HEATR5B: variants seen among roughly 807,000 people sequenced by gnomAD.
HEATR5B encodes the protein HEAT repeat-containing protein 5B.
In HEATR5B, 156 loss-of-function variants were observed where a neutral mutation model predicts 224.1. The observed-to-expected ratio is 0.70, with a 90% CI of 0.61 to 0.80. HEATR5B has a LOEUF of 0.80. HEATR5B is among the 30% of genes least tolerant of loss of function. The pLI is 0.00. For missense variants in HEATR5B, 2,323 were observed against 2,535.5 expected, an observed-to-expected ratio of 0.92 and a Z score of 1.80; for synonymous variants, 1,027 against 893.0, an observed-to-expected ratio of 1.15 and a Z score of -2.68.
intron 33 of HEATR5B, among the ~76,000 whole-genome samples, chr2:36,995,084 C>CTTATTTTTTTT (rs1182897485): frequency 1.1e-5 from 1 of 93,668 alleles, no homozygotes; most frequent in Non-Finnish European, 2.1e-5. Flanking sequence ...CTTGTTATTC[C>CTTATTTTTTTT]TTGTTTTTTT....
At chr2:37,073,261 G>C (rs1004233857) in intron 5 of HEATR5B, among the ~76,000 whole-genome samples, 1 of 152,098 alleles carries the variant, frequency 6.6e-6, no homozygotes, top group Non-Finnish European at 1.5e-5. Flanking sequence ...GACCAAGTGA[G>C]GTTTATCCTA....
chr2:37,074,363 TCCA>T (rs1672102081), intron 5 of HEATR5B, among the ~76,000 whole-genome samples: 1 of 140,246 alleles, frequency 7.1e-6, no homozygotes, highest in East Asian at 2.0e-4. Flanking sequence ...GAAGTGGATA[TCCA>T]TATTGAAAAA....
At chr2:37,038,920 G>GGT (rs58707175) in intron 20 of HEATR5B, among the ~76,000 whole-genome samples, 1 of 124,590 alleles carries the variant, frequency 8.0e-6, no homozygotes, top group African/African-American at 3.1e-5. Context: ...GGGGGGTGGG[G>GGT]AATCACATAT....
chr2:37,052,983 T>G (rs1670655121), intron 17 of HEATR5B, among the ~76,000 whole-genome samples: 1 of 152,198 alleles, frequency 6.6e-6, no homozygotes, highest in Admixed American at 6.5e-5. Context: ...AAAGCAAAAC[T>G]GCAGATAAGG....
intron 24 of HEATR5B, among the ~76,000 whole-genome samples, chr2:37,021,493 T>C (rs1668453004): frequency 2.0e-5 from 3 of 152,200 alleles, no homozygotes; most frequent in Admixed American, 2.0e-4. Context: ...TTCACAGGTA[T>C]AGGACAATGA....
rs1221860855 is a variant in HEATR5B, at chr2:37,005,670, C to A, written c.4867G>T (p.Asp1623Tyr). 1 of 1,613,472 alleles carries A rather than the reference C, an allele frequency of 6.2e-7. No individual in the cohort carries two copies. Among genetic ancestry groups the A allele is most frequent in the Admixed American group, 1.7e-5 (1 of 59,976 alleles). Residue 1623 changes from aspartate to tyrosine, a missense_variant, in exon 30 of 36, where the codon GAC becomes TAC. Asp to Tyr is a radical substitution (Grantham distance 160, BLOSUM62 -3). This residue lies in a region of HEATR5B where 844 missense variants were observed against 812.9 expected (regional missense o/e 1.04). Coordinates refer to ENST00000233099, the MANE Select transcript of HEATR5B (RefSeq NM_019024.3). ...ATATGGACTCGAGCATAAGGGGAGT[C>A]TAGCAAGGTATGTAAGGCCTGCAGG... The part of the protein sequence containing the change: ...ACLQALHTLL[D>Y]SPYARVHIAE...
chr2:37,057,925 C>A (rs1671016092), intron 14 of HEATR5B, among the ~76,000 whole-genome samples: 1 of 152,104 alleles, frequency 6.6e-6, no homozygotes, highest in Non-Finnish European at 1.5e-5. Context: ...CAATAATGTA[C>A]AATGAACCAC....
In HEATR5B at chr2:36,981,538, G is replaced by A. The variant is rs566987477; in HGVS notation, c.6168C>T (p.Pro2056=). 4.5e-5 allele frequency: 72 copies of A among 1,613,606 alleles called. 1 individual carries two copies. The highest frequency in any genetic ancestry group is 1.1e-4 in the South Asian group (10 of 91,050). Residue 2056 remains proline, a synonymous_variant, in exon 36 of 36, where the codon CCC becomes CCT. Coordinates refer to ENST00000233099, the MANE Select transcript of HEATR5B (RefSeq NM_019024.3). ...TAATTGTTGGTGCAGAATGTATGGC[G>A]GGGGCTGGTTGTCTGGCAGCCGCTT... ...KAKAAARQPA[P]AIHSAPTIKL...
At chr2:36,988,553 C>A (rs142314928) in intron 35 of HEATR5B, 93 bp downstream of exon 35, 19 of 1,096,498 alleles carry the variant, frequency 1.7e-5, no homozygotes, top group Non-Finnish European at 2.3e-5. Context: ...TAAGCCACTG[C>A]GCCCAGCAGG....
chr2:36,999,815 C>G (rs1436943297), intron 33 of HEATR5B, among the ~76,000 whole-genome samples: 3 of 151,916 alleles, frequency 2.0e-5, no homozygotes, highest in Non-Finnish European at 2.9e-5. Context: ...AGTTTGAGAC[C>G]AGCCTGACCA....
rs778876408 is a variant in HEATR5B, at chr2:37,037,879, T to C, written c.3192A>G (p.Leu1064=). The C allele has an allele frequency of 1.8e-5, 29 of 1,589,828 alleles. No individual in the cohort carries two copies. Among genetic ancestry groups the C allele is most frequent in the African/African-American group, 8.1e-5 (6 of 74,268 alleles). ...CACAAAGGCTAGGAACAAGGCTAGATAGATTGACATGTCGTGGTGCAAACA... is the reference window on the plus strand; with the variant it reads ...CACAAAGGCTAGGAACAAGGCTAGACAGATTGACATGTCGTGGTGCAAACA... ...LHMFAPRHVN[L]SSLVPSLCVH... The change falls in exon 21 of 36, where the codon CTA becomes CTG. Residue 1064 remains leucine, a synonymous_variant. Coordinates refer to ENST00000233099, the MANE Select transcript of HEATR5B (RefSeq NM_019024.3).
intron 16 of HEATR5B, among the ~76,000 whole-genome samples, chr2:37,055,568 CT>C (rs1363295090): frequency 5.3e-5 from 8 of 152,240 alleles, no homozygotes; most frequent in South Asian, 2.1e-4. Flanking sequence ...CATATTTAAA[CT>C]TTTTTCTCCT....
intron 10 of HEATR5B, 75 bp downstream of exon 10, chr2:37,064,665 A>G (rs981504873): frequency 6.7e-7 from 1 of 1,499,424 alleles, no homozygotes; most frequent in Non-Finnish European, 9.1e-7. Context: ...CCTGTTCAAC[A>G]CTAAACACAG....
At chr2:37,054,374 T>G (rs1310378066) in intron 16 of HEATR5B, among the ~76,000 whole-genome samples, 1 of 151,266 alleles carries the variant, frequency 6.6e-6, no homozygotes, top group Non-Finnish European at 1.5e-5. Flanking sequence ...AGAGACTGGG[T>G]TTCTCCATGT....
At chr2:36,996,660 C>T (rs1029238025) in intron 33 of HEATR5B, among the ~76,000 whole-genome samples, 40 of 152,048 alleles carry the variant, frequency 2.6e-4, no homozygotes, top group African/African-American at 3.9e-4. Context: ...GGCGTGATTT[C>T]GGCTCACCGC....
Position 37,028,166 on chromosome 2 carries a change from T to C in HEATR5B, c.3610A>G (p.Thr1204Ala), listed in dbSNP as rs765733438. 6.3e-7 allele frequency: 1 copy of C among 1,598,614 alleles called. No homozygotes were observed. The highest frequency in any genetic ancestry group is 1.3e-5 in the African/African-American group (1 of 74,428). ...DVLAASSDMS[T>A]ATLLSSGKDE... ...TTTCCACTACTTAAGAGAGTTGCAG[T>C]ACTCATATCTATAACAAGAATAAGG... Residue 1204 changes from threonine (T) to alanine (A), a missense_variant, in exon 24 of 36, where the codon ACT becomes GCT. Around this residue, in one of 12 missense-constraint regions of HEATR5B, gnomAD observed 339 missense variants for 378.4 expected, o/e 0.90. Transcript: ENST00000233099.
chr2:37,033,935 T>C (rs1320920971), intron 21 of HEATR5B, among the ~76,000 whole-genome samples: 1 of 152,146 alleles, frequency 6.6e-6, no homozygotes, highest in East Asian at 1.9e-4. Context: ...TAAATTATGT[T>C]CCATCTGCTG....
chr2:37,082,268 C>T (rs781034084), intron 2 of HEATR5B, among the ~76,000 whole-genome samples: 17 of 151,558 alleles, frequency 1.1e-4, no homozygotes, highest in Non-Finnish European at 2.5e-4. Context: ...TTAGTAGAAA[C>T]GGGGTTTCAC....
intron 35 of HEATR5B, 44 bp downstream of exon 35, chr2:36,988,602 G>T: frequency 6.8e-7 from 1 of 1,464,762 alleles, no homozygotes; most frequent in Non-Finnish European, 9.5e-7. Context: ...ATACAATACA[G>T]ATCTTCATTC....
Sources: gnomAD v4.1 joint callset for allele counts (sites outside exome capture counted in the v4.1 genomes callset) on GRCh38, gnomAD v4.1.1 for gene constraint, gnomAD v4.1.1 regional missense constraint, MANE v1.5 for transcripts, NCBI Gene and HGNC (gene_info 2026-07-23, HGNC 2026-07-21) for gene names.